The following KHDRBS2 variants were observed in gnomAD, a reference collection of about 807,000 sequenced individuals.
The protein encoded by KHDRBS2 is KH RNA binding domain containing, signal transduction associated 2.
Under a neutral mutation model 44.3 loss-of-function variants are expected in KHDRBS2, and 26 were observed. The ratio of observed to expected loss-of-function variants is 0.59; its 90% CI spans 0.43 to 0.81. KHDRBS2 has a LOEUF of 0.81. Ranked by LOEUF, KHDRBS2 falls within the 40% of genes least tolerant of loss-of-function variation. KHDRBS2 has a pLI of 0.00. For missense variants in KHDRBS2, 476 were observed against 433.1 expected (o/e 1.10, Z -0.88); for synonymous variants, 194 against 151.1 (o/e 1.28, Z -2.08).
intron 2 of KHDRBS2, among the ~76,000 whole-genome samples, chr6:62,112,887 G>T (rs1261758836): frequency 6.6e-6 from 1 of 152,128 alleles, no homozygotes; most frequent in Admixed American, 6.6e-5. Context: ...TAGGTGAAAA[G>T]ATTTCACTGA....
intron 4 of KHDRBS2, among the ~76,000 whole-genome samples, chr6:61,945,111 A>ATATATATGT (rs1242129681): frequency 1.3e-4 from 5 of 37,774 alleles, no homozygotes; most frequent in East Asian, 8.4e-4. Flanking sequence ...AAAAAAAAAA[A>ATATATATGT]AGTATATATA....
the KHDRBS2 span, among the ~76,000 whole-genome samples, chr6:61,634,267 T>A: frequency 1.4e-5 from 2 of 147,754 alleles, no homozygotes; most frequent in Non-Finnish European, 1.5e-5. Context: ...CAGATCAAAT[T>A]AAAAAAAAAA....
At chr6:62,200,708 C>G (rs1307126756) in intron 1 of KHDRBS2, among the ~76,000 whole-genome samples, 1 of 152,082 alleles carries the variant, frequency 6.6e-6, no homozygotes, top group East Asian at 1.9e-4. Flanking sequence ...CTAGAAATAC[C>G]ATTTGACGCA....
At chr6:62,131,474 T>G (rs998722536) in intron 2 of KHDRBS2, among the ~76,000 whole-genome samples, 4 of 152,160 alleles carry the variant, frequency 2.6e-5, no homozygotes, top group Non-Finnish European at 4.4e-5. Context: ...CATCAAGCTG[T>G]ACCTTCACCA....
chr6:61,574,763 G>T, the KHDRBS2 span, among the ~76,000 whole-genome samples: 1 of 152,058 alleles, frequency 6.6e-6, no homozygotes, highest in Non-Finnish European at 1.5e-5. Context: ...ACAAAAATTA[G>T]CTGGGTGTGG....
the KHDRBS2 span, among the ~76,000 whole-genome samples, chr6:61,581,804 G>A: frequency 6.6e-6 from 1 of 151,260 alleles, no homozygotes; most frequent in African/African-American, 2.4e-5. Flanking sequence ...AAAGAGGCTT[G>A]TTAAAGAGAT....
intron 6 of KHDRBS2, among the ~76,000 whole-genome samples, chr6:61,776,483 G>C (rs535793142): frequency 6.6e-6 from 1 of 152,242 alleles, no homozygotes; most frequent in East Asian, 1.9e-4. Context: ...CAAAAGACAT[G>C]AACAGACACT....
At chr6:62,148,227 C>T (rs1297401547) in intron 2 of KHDRBS2, among the ~76,000 whole-genome samples, 1 of 151,920 alleles carries the variant, frequency 6.6e-6, no homozygotes, top group Admixed American at 6.6e-5. Context: ...TGACCATAGA[C>T]CAAACCTCGA....
At chr6:62,096,680 A>AT (rs1241136724) in intron 2 of KHDRBS2, among the ~76,000 whole-genome samples, 5 of 151,602 alleles carry the variant, frequency 3.3e-5, no homozygotes, top group Admixed American at 1.3e-4. Context: ...CATTTAATTG[A>AT]TTTTTTTGTA....
chr6:62,061,649 G>C (rs929130658), intron 2 of KHDRBS2, among the ~76,000 whole-genome samples: 10 of 151,024 alleles, frequency 6.6e-5, no homozygotes, highest in African/African-American at 2.4e-4. Context: ...ACAATTATGT[G>C]TCTTGGAGTT....
chr6:62,072,437 T>G (rs2127346551), intron 2 of KHDRBS2, among the ~76,000 whole-genome samples: 1 of 152,324 alleles, frequency 6.6e-6, no homozygotes, highest in East Asian at 1.9e-4. Context: ...AAGGGAATGT[T>G]TCCAATTTTT....
chr6:61,977,863 G>T (rs201714704), intron 4 of KHDRBS2, among the ~76,000 whole-genome samples: 1 of 152,094 alleles, frequency 6.6e-6, no homozygotes, highest in East Asian at 1.9e-4. Flanking sequence ...CATTGCTATG[G>T]AACCATCACT....
At chr6:61,996,902 C>A (rs1777296278) in intron 3 of KHDRBS2, among the ~76,000 whole-genome samples, 1 of 151,522 alleles carries the variant, frequency 6.6e-6, no homozygotes, top group Non-Finnish European at 1.5e-5. Flanking sequence ...CCTGCCTCAG[C>A]CTCTGGAGTA....
intron 2 of KHDRBS2, among the ~76,000 whole-genome samples, chr6:62,067,292 C>A (rs1386876385): frequency 6.6e-6 from 1 of 151,536 alleles, no homozygotes; most frequent in East Asian, 2.0e-4. Context: ...GTATTAGAAA[C>A]TAGTAAAGGT....
At chr6:61,917,058 A>G (rs529830123) in intron 4 of KHDRBS2, among the ~76,000 whole-genome samples, 1 of 149,938 alleles carries the variant, frequency 6.7e-6, no homozygotes, top group East Asian at 2.0e-4. Flanking sequence ...AGAACTAAAC[A>G]TACTCTTACC....
intron 3 of KHDRBS2, among the ~76,000 whole-genome samples, chr6:62,001,764 A>G (rs1778280951): frequency 6.6e-6 from 1 of 152,160 alleles, no homozygotes; most frequent in Admixed American, 6.6e-5. Context: ...TACATACAGA[A>G]GTTGAACCAA....
chr6:61,664,190 G>C, the KHDRBS2 span, among the ~76,000 whole-genome samples: 23 of 151,842 alleles, frequency 1.5e-4, no homozygotes, highest in African/African-American at 4.6e-4. Context: ...AAGCAGATTA[G>C]ATGTTTTAAT....
At position 61,860,104 on chromosome 6, in the gene KHDRBS2, C is replaced by T. The variant is rs1158246597; in HGVS notation, c.810+34531G>A. Among the ~76,000 whole-genome samples, 4 of 151,788 alleles carry T rather than the reference C, an allele frequency of 2.6e-5. No individual in the cohort carries two copies. In the South Asian group the frequency reaches 8.3e-4, roughly 31 times the overall value. ...CTAGAATGGATAAAAAATGCTAACCCACAGATCTAGTCAATCTTAAAATCC... is the reference window on the plus strand; with the variant it reads ...CTAGAATGGATAAAAAATGCTAACCTACAGATCTAGTCAATCTTAAAATCC... On this transcript the variant is annotated intron_variant, in intron 6 of 8. Transcript: ENST00000281156.
chr6:62,241,130 C>A (rs1023635084), intron 1 of KHDRBS2, among the ~76,000 whole-genome samples: 2 of 152,030 alleles, frequency 1.3e-5, no homozygotes, highest in Non-Finnish European at 2.9e-5. Context: ...ACTGTGCAAA[C>A]CCATCGCTAG....
Sources: allele counts gnomAD v4.1 joint callset (sites outside exome capture counted in the v4.1 genomes callset), GRCh38; gene constraint gnomAD v4.1.1; transcripts MANE v1.5; gene names NCBI Gene and HGNC (gene_info 2026-07-23, HGNC 2026-07-21).